Variants in PCDHGA4 observed in about 807,000 individuals in gnomAD.
PCDHGA4 encodes the protein protocadherin gamma-A4.
In PCDHGA4, 38 loss-of-function variants were observed where a neutral mutation model predicts 54.6. That is an observed-to-expected ratio of 0.70 (90% confidence interval 0.54 to 0.91). PCDHGA4 has a LOEUF of 0.91. PCDHGA4 is among the 40% of genes least tolerant of loss of function. PCDHGA4 has a pLI of 0.00. For missense variants in PCDHGA4, 1,298 were observed against 1,220.9 expected (o/e 1.06, Z -0.94); for synonymous variants, 511 against 512.9 (o/e 1.00, Z 0.05).
chr5:141,371,930 G>A (rs755224038), intron 1 of PCDHGA4: 5 of 1,613,242 alleles, frequency 3.1e-6, no homozygotes, highest in Non-Finnish European at 3.4e-6. Context: ...CGCGGAGCGG[G>A]GTGGTGTTCG....
rs757663132 is a variant in PCDHGA4 at position 141,510,991 on chromosome 5, A to G, written c.2707A>G (p.Met903Val). ...CACCCTGGGAGGGGGTGCCGGCACC[A>G]TGGGATTGAGCGCCCGCTACGGACC... is the stretch of plus-strand genomic sequence containing the variant. ...SSTLGGGAGT[M>V]GLSARYGPQF... is the part of the protein sequence containing the mutation. Residue 903 changes from methionine (M) to valine (V), a missense_variant, in exon 4 of 4, where the codon ATG becomes GTG. Coordinates refer to ENST00000571252, the MANE Select transcript of PCDHGA4 (RefSeq NM_018917.4). 1.2e-6 allele frequency: 2 copies of G among 1,614,136 alleles called. No individual in the cohort carries two copies. Among genetic ancestry groups the G allele is most frequent in the Admixed American group, 3.3e-5 (2 of 60,022 alleles).
chr5:141,491,869 G>C lies in PCDHGA4; in HGVS notation c.2515-2938G>C. On this transcript the variant is annotated intron_variant, in intron 1 of 3. Transcript: ENST00000571252. This position sits in a 1 kb window ranked among gnomAD's most constrained non-coding sequence, Gnocchi z 6.9. ...GGACCGTTTGCGCGAAACCAGAGTG[G>C]CCGATTAAGGGATGGGGCTCCGAGC... The C allele has an allele frequency of 6.9e-7, 1 of 1,453,094 alleles. No homozygotes were observed. Among genetic ancestry groups the C allele is most frequent in the South Asian group, 1.5e-5 (1 of 68,080 alleles). 90.0% of individuals were successfully genotyped at this position (1,453,094 alleles called of 1,614,324 possible).
chr5:141,387,301 AT>A (rs888289074), intron 1 of PCDHGA4, among the ~76,000 whole-genome samples: 1 of 152,242 alleles, frequency 6.6e-6, no homozygotes, highest in African/African-American at 2.4e-5. Flanking sequence ...TGTATCCAGT[AT>A]ATTTCTAATG....
chr5:141,412,992 G>A (rs1367027301), intron 1 of PCDHGA4: 1 of 568,350 alleles, frequency 1.8e-6, no homozygotes, highest in Non-Finnish European at 3.0e-6. Flanking sequence ...AGCTCAATCC[G>A]GATTCTCAGG....
chr5:141,400,321 G>A lies in PCDHGA4; in HGVS notation c.2514+42700G>A, dbSNP rs190006023. On this transcript the variant is annotated intron_variant, in intron 1 of 3. Coordinates refer to ENST00000571252, the MANE Select transcript of PCDHGA4 (RefSeq NM_018917.4). ...CCAACCTGGTCTCTGTGTCAAGTCTGGACCTGTGGTTCCCCCCAACTACAG... is the reference window on the plus strand; with the variant it reads ...CCAACCTGGTCTCTGTGTCAAGTCTAGACCTGTGGTTCCCCCCAACTACAG... The A allele has an allele frequency of 9.3e-6, 15 of 1,614,064 alleles. No homozygotes were observed. In the Admixed American group the frequency reaches 2.5e-4, roughly 27 times the overall value.
chr5:141,478,315 A>G, intron 1 of PCDHGA4: 1 of 1,613,998 alleles, frequency 6.2e-7, no homozygotes, highest in Non-Finnish European at 8.5e-7. Flanking sequence ...CGGTGAGCTC[A>G]CTGTACCGAA....
intron 1 of PCDHGA4, chr5:141,372,413 T>C (rs1768752463): frequency 6.2e-7 from 1 of 1,614,052 alleles, no homozygotes; most frequent in Non-Finnish European, 8.5e-7. Flanking sequence ...AGATACAACC[T>C]GACCTTAGCG....
At chr5:141,372,743 T>G (rs989554651) in intron 1 of PCDHGA4, 2 of 1,613,618 alleles carry the variant, frequency 1.2e-6, no homozygotes, top group Admixed American at 1.7e-5. Context: ...TTCTATGTGA[T>G]GAAGCCTCTT....
intron 1 of PCDHGA4, chr5:141,393,237 AT>A: frequency 1.2e-6 from 2 of 1,613,802 alleles, no homozygotes; most frequent in South Asian, 1.1e-5. Flanking sequence ...AGAAGTAAAA[AT>A]TAACGAAATC....
At chr5:141,495,209 C>T (rs548415564) in intron 2 of PCDHGA4, among the ~76,000 whole-genome samples, 1 of 152,342 alleles carries the variant, frequency 6.6e-6, no homozygotes, top group Admixed American at 6.5e-5. Flanking sequence ...GCCTAACCCC[C>T]TCCCCTGAGT....
At chr5:141,427,882 A>G (rs2097084180) in intron 1 of PCDHGA4, 3 of 1,563,878 alleles carry the variant, frequency 1.9e-6, no homozygotes, top group Non-Finnish European at 2.6e-6. Flanking sequence ...ATGCAGGCCC[A>G]CGACCAGGGC....
At chr5:141,390,066 G>A (rs2092035559) in intron 1 of PCDHGA4, 2 of 1,614,052 alleles carry the variant, frequency 1.2e-6, no homozygotes, top group East Asian at 2.2e-5. Flanking sequence ...CTTCCAGCCT[G>A]GTCTCTGTGT....
Position 141,367,146 on chromosome 5 carries a change from A to G in PCDHGA4, c.2514+9525A>G, listed in dbSNP as rs900796312. 2.4e-5 allele frequency: 4 copies of G among 168,774 alleles called. No individual in the cohort carries two copies. In the East Asian group the frequency reaches 5.2e-4, roughly 22 times the overall value. 10.5% of individuals were successfully genotyped at this position (168,774 alleles called of 1,614,324 possible). A position where few individuals can be genotyped will look rare whatever the true frequency, so the allele number is the denominator to read the frequency against. ...ATGTGTTTTGGAAAGGATAATGTAT[A>G]GGACTGATATTTTAGTCTACCTGAA... is the stretch of plus-strand genomic sequence containing the variant. On this transcript the variant is annotated intron_variant, in intron 1 of 3. Transcript: ENST00000571252.
In PCDHGA4 at chr5:141,491,835, G is replaced by C; in HGVS notation, c.2515-2972G>C. On this transcript the variant is annotated intron_variant, in intron 1 of 3. Coordinates refer to ENST00000571252, the MANE Select transcript of PCDHGA4 (RefSeq NM_018917.4). The surrounding 1 kb of genome is among the most constrained non-coding windows in gnomAD (Gnocchi z 6.9). The stretch of plus-strand genomic sequence containing the variant: ...GCTGGCTGCGCTCCACCCGATTCTC[G>C]GGATCATTGGACCGTTTGCGCGAAA... 1 of 1,473,258 alleles carries C rather than the reference G, an allele frequency of 6.8e-7. No individual in the cohort carries two copies. The highest frequency in any genetic ancestry group is 9.0e-7 in the Non-Finnish European group (1 of 1,112,098). The allele number at this position is 1,473,258 out of a possible 1,614,324, so 91.3% of individuals were successfully genotyped here.
At chr5:141,407,407 G>A (rs558103918) in intron 1 of PCDHGA4, among the ~76,000 whole-genome samples, 17 of 152,216 alleles carry the variant, frequency 1.1e-4, no homozygotes, top group African/African-American at 3.6e-4. Context: ...GTTACTATTC[G>A]ATACCACAAA....
chr5:141,371,142 A>G, intron 1 of PCDHGA4: 1 of 1,614,010 alleles, frequency 6.2e-7, no homozygotes, highest in Non-Finnish European at 8.5e-7. Flanking sequence ...GTACAGGGTC[A>G]ATGTTGCAGA....
Position 141,489,662 on chromosome 5 carries a change from G to T in PCDHGA4, c.2515-5145G>T, listed in dbSNP as rs2233601. On this transcript the variant is annotated intron_variant, in intron 1 of 3. Transcript: ENST00000571252. The surrounding 1 kb of genome is among the most constrained non-coding windows in gnomAD (Gnocchi z 4.5). Reference sequence around the variant, plus strand: ...TTTGCCACCCCTGAGCGAGAGATGCGCATCTCAGAATCAGCAGCATCTGGG... The same window carrying T: ...TTTGCCACCCCTGAGCGAGAGATGCTCATCTCAGAATCAGCAGCATCTGGG... 2.5e-6 allele frequency: 4 copies of T among 1,614,024 alleles called. No homozygotes were observed. The African/African-American group carries it at 4.0e-5, about 16-fold the overall frequency.
At chr5:141,459,075 G>T (rs562572838) in intron 1 of PCDHGA4, among the ~76,000 whole-genome samples, 1 of 152,134 alleles carries the variant, frequency 6.6e-6, no homozygotes, top group Non-Finnish European at 1.5e-5. Context: ...CATAAAATTT[G>T]CCTTTTAAAA....
intron 1 of PCDHGA4, chr5:141,422,303 A>AAAAC: frequency 6.5e-7 from 1 of 1,548,740 alleles, no homozygotes; most frequent in Non-Finnish European, 8.7e-7. Flanking sequence ...TCAATTCTGG[A>AAAAC]AAACTCTCCT....
Sources: allele counts gnomAD v4.1 joint callset (sites outside exome capture counted in the v4.1 genomes callset), GRCh38; gene constraint gnomAD v4.1.1; non-coding constraint Gnocchi (gnomAD v3.1); transcripts MANE v1.5; gene names NCBI Gene and HGNC (gene_info 2026-07-23, HGNC 2026-07-21).